Variants in MGAT5 observed in about 807,000 individuals in gnomAD.
MGAT5 encodes alpha-1,6-mannosylglycoprotein 6-beta-N-acetylglucosaminyltransferase, also known as alpha-1,6-mannosylglycoprotein 6-beta-N-acetylglucosaminyltransferase A.
A neutral mutation model predicts 94.3 loss-of-function variants in MGAT5; 30 were observed. The observed-to-expected ratio is 0.32, with a 90% CI of 0.24 to 0.43. MGAT5 has a LOEUF of 0.43. MGAT5 is among the 20% of genes least tolerant of loss of function. The pLI is 1.00. For synonymous variants in MGAT5, 310 were observed against 322.9 expected (o/e 0.96, Z 0.43); for missense variants, 691 against 905.5 (o/e 0.76, Z 3.04).
At chr2:134,384,551 A>G (rs1293148952) in intron 10 of MGAT5, among the ~76,000 whole-genome samples, 3 of 152,228 alleles carry the variant, frequency 2.0e-5, no homozygotes, top group African/African-American at 4.8e-5. Flanking sequence ...TGGATTCTTT[A>G]TAACTATTTG....
chr2:134,173,603 T>C (rs148442177), intron 1 of MGAT5, among the ~76,000 whole-genome samples: 227 of 152,330 alleles, frequency 1.5e-3, no homozygotes, highest in African/African-American at 4.7e-3. Context: ...CCACTAAATA[T>C]GTTGTCGCTT....
At chr2:134,317,811 C>T (rs917792334) in intron 3 of MGAT5, among the ~76,000 whole-genome samples, 4 of 152,212 alleles carry the variant, frequency 2.6e-5, no homozygotes, top group South Asian at 2.1e-4. Flanking sequence ...TCAACAGTGG[C>T]TCTCACTGGT....
At chr2:134,276,197 C>CT (rs1684358187) in intron 2 of MGAT5, among the ~76,000 whole-genome samples, 1 of 142,872 alleles carries the variant, frequency 7.0e-6, no homozygotes, top group South Asian at 2.4e-4. Flanking sequence ...CCTCATTTAG[C>CT]TTTGCCACTG....
intron 10 of MGAT5, among the ~76,000 whole-genome samples, chr2:134,366,651 C>T (rs544688841): frequency 1.3e-5 from 2 of 152,316 alleles, no homozygotes; most frequent in South Asian, 2.1e-4. Flanking sequence ...CTAATGCACA[C>T]ATCACCTGAG....
chr2:134,152,114 A>G (rs1440553977), intron 1 of MGAT5, among the ~76,000 whole-genome samples: 1 of 136,218 alleles, frequency 7.3e-6, no homozygotes, highest in Non-Finnish European at 1.6e-5. Flanking sequence ...GCCCACCGCC[A>G]TGGGACCTCA....
chr2:134,323,037 GA>G (rs1228368077), intron 4 of MGAT5, among the ~76,000 whole-genome samples: 1 of 152,176 alleles, frequency 6.6e-6, no homozygotes, highest in Non-Finnish European at 1.5e-5. Flanking sequence ...CCTGTCTTAA[GA>G]GATGGTACTC....
chr2:134,292,303 C>T (rs940704966), intron 2 of MGAT5, among the ~76,000 whole-genome samples: 3 of 152,148 alleles, frequency 2.0e-5, no homozygotes, highest in Non-Finnish European at 4.4e-5. Flanking sequence ...GCCTTTTACT[C>T]AGTGCTGACT....
intron 4 of MGAT5, among the ~76,000 whole-genome samples, chr2:134,320,973 G>GCTAA (rs1290175666): frequency 6.6e-6 from 1 of 152,170 alleles, no homozygotes; most frequent in Non-Finnish European, 1.5e-5. Flanking sequence ...AAACCCCAGA[G>GCTAA]CTAACGATAG....
intron 13 of MGAT5, among the ~76,000 whole-genome samples, chr2:134,423,729 C>T (rs58699950): frequency 0.11 from 16,209 of 152,128 alleles, 1,251 homozygotes; most frequent in African/African-American, 0.21. Context: ...GCAGCTTCCC[C>T]TCATGTATAA....
chr2:134,303,061 T>C (rs1487469348), intron 2 of MGAT5, among the ~76,000 whole-genome samples: 1 of 152,138 alleles, frequency 6.6e-6, no homozygotes, highest in African/African-American at 2.4e-5. Context: ...TACACAAAGG[T>C]TCGCCTACAT....
At position 134,394,338 on chromosome 2, in the gene MGAT5, A is replaced by C. The variant is rs80221520; in HGVS notation, c.1381-8650A>C. ...TTTTATATTTTGCTTCATATGAAAA[A>C]AAACTTTTTGAAATTAATTTTAAGA... On this transcript the variant is annotated intron_variant, in intron 10 of 15. Transcript: ENST00000281923. Among the ~76,000 whole-genome samples, 1,364 of 152,334 alleles carry C rather than the reference A, an allele frequency of 9.0e-3. 56 individuals carry two copies. The East Asian group carries it at 0.099, about 11-fold the overall frequency.
chr2:134,152,608 T>C (rs1687276915), intron 1 of MGAT5, among the ~76,000 whole-genome samples: 1 of 152,364 alleles, frequency 6.6e-6, no homozygotes, highest in East Asian at 1.9e-4. Flanking sequence ...ATCAATGTCT[T>C]TTTAATTTTT....
intron 10 of MGAT5, among the ~76,000 whole-genome samples, chr2:134,378,763 G>T (rs1681358120): frequency 1.3e-5 from 2 of 151,900 alleles, no homozygotes; most frequent in Non-Finnish European, 2.9e-5. Context: ...TAACAGGCGT[G>T]CACCACCATA....
chr2:134,443,834 A>G (rs989413873), intron 15 of MGAT5, among the ~76,000 whole-genome samples: 1 of 152,194 alleles, frequency 6.6e-6, no homozygotes, highest in Admixed American at 6.5e-5. Context: ...GTTACAGACT[A>G]GGGACTGTCT....
At chr2:134,423,374 C>G (rs1684405074) in intron 13 of MGAT5, among the ~76,000 whole-genome samples, 1 of 152,188 alleles carries the variant, frequency 6.6e-6, no homozygotes, top group African/African-American at 2.4e-5. Flanking sequence ...ACATTTCTGG[C>G]CTCTTCTGAT....
At chr2:134,332,822 A>G (rs1260272975) in intron 4 of MGAT5, among the ~76,000 whole-genome samples, 1 of 152,224 alleles carries the variant, frequency 6.6e-6, no homozygotes, top group African/African-American at 2.4e-5. Flanking sequence ...CAGCCAAAAA[A>G]CACATGAAAA....
intron 1 of MGAT5, among the ~76,000 whole-genome samples, chr2:134,155,954 T>C (rs1469231961): frequency 6.6e-6 from 1 of 152,110 alleles, no homozygotes; most frequent in African/African-American, 2.4e-5. Context: ...TCTCTGCTGC[T>C]CTCCCCGCCG....
intron 2 of MGAT5, among the ~76,000 whole-genome samples, chr2:134,271,316 G>A (rs373890509): frequency 3.0e-4 from 45 of 151,922 alleles, no homozygotes; most frequent in African/African-American, 9.7e-4. Context: ...GGGTGACCAC[G>A]ATTTTCTGGG....
At chr2:134,197,663 A>C (rs1371179923) in intron 1 of MGAT5, among the ~76,000 whole-genome samples, 1 of 152,350 alleles carries the variant, frequency 6.6e-6, no homozygotes, top group East Asian at 1.9e-4. Context: ...ATTAAGGAAC[A>C]TGTTCAGCTG....
Sources: gnomAD v4.1 joint callset for allele counts (sites outside exome capture counted in the v4.1 genomes callset) on GRCh38, gnomAD v4.1.1 for gene constraint, MANE v1.5 for transcripts, NCBI Gene and HGNC (gene_info 2026-07-23, HGNC 2026-07-21) for gene names.